CADM1: variants seen among roughly 807,000 people sequenced by gnomAD.
The protein encoded by CADM1 is cell adhesion molecule 1.
In CADM1, 15 loss-of-function variants were observed where a neutral mutation model predicts 53.1. The ratio of observed to expected loss-of-function variants is 0.28; its 90% CI spans 0.19 to 0.44. The LOEUF (loss-of-function observed/expected upper bound fraction) is 0.44. CADM1 is among the 20% of genes least tolerant of loss of function. The pLI, the probability that CADM1 is intolerant of heterozygous loss-of-function variation, is 1.00. For synonymous variants in CADM1, 281 were observed against 243.0 expected (o/e 1.16, Z -1.45); for missense variants, 434 against 611.3 (o/e 0.71, Z 3.06).
chr11:115,315,090 T>C (rs538256246), intron 1 of CADM1, among the ~76,000 whole-genome samples: 2 of 152,276 alleles, frequency 1.3e-5, no homozygotes, highest in Admixed American at 1.3e-4. Context: ...CTTTGAATCA[T>C]TTCAAAGTAC....
intron 1 of CADM1, among the ~76,000 whole-genome samples, chr11:115,390,777 C>A (rs1264785282): frequency 6.6e-6 from 1 of 151,764 alleles, no homozygotes; most frequent in Non-Finnish European, 1.5e-5. Context: ...CAGCTCAGTT[C>A]CTGTTTAAGA....
chr11:115,376,816 T>C (rs1314115401), intron 1 of CADM1, among the ~76,000 whole-genome samples: 1 of 152,186 alleles, frequency 6.6e-6, no homozygotes, highest in African/African-American at 2.4e-5. Context: ...TTCTGTCAAG[T>C]AATTCCACAG....
chr11:115,495,052 G>C (rs1949580233), intron 1 of CADM1, among the ~76,000 whole-genome samples: 1 of 152,116 alleles, frequency 6.6e-6, no homozygotes, highest in South Asian at 2.1e-4. Flanking sequence ...GTACGTACAA[G>C]GAAAAGTGAA....
rs185449584 is a variant in CADM1 at position 115,286,501 on chromosome 11, T to C, written c.125-46081A>G. Among the ~76,000 whole-genome samples, 31 of 152,348 alleles carry C rather than the reference T, an allele frequency of 2.0e-4. No individual in the cohort carries two copies. In the South Asian group the frequency reaches 3.1e-3, roughly 15 times the overall value. On this transcript the variant is annotated intron_variant, in intron 1 of 11. Coordinates refer to ENST00000331581, the MANE Select transcript of CADM1 (RefSeq NM_001301043.2). ...GAGTTTAAATGCAGTGACCTGACAG[T>C]GGACACAATAATGAAACAAAAATTC...
At chr11:115,499,215 T>C (rs138781279) in intron 1 of CADM1, among the ~76,000 whole-genome samples, 1 of 152,344 alleles carries the variant, frequency 6.6e-6, no homozygotes, top group Admixed American at 6.5e-5. Context: ...CTTTTTTCCT[T>C]AGTTATACAG....
intron 1 of CADM1, among the ~76,000 whole-genome samples, chr11:115,351,267 T>C (rs1021184708): frequency 2.0e-5 from 3 of 152,234 alleles, no homozygotes; most frequent in African/African-American, 7.2e-5. Flanking sequence ...CTCCTTCTTC[T>C]TCAATATCTT....
intron 1 of CADM1, among the ~76,000 whole-genome samples, chr11:115,353,639 G>A (rs536720233): frequency 1.3e-5 from 2 of 152,204 alleles, no homozygotes; most frequent in Admixed American, 6.5e-5. Context: ...GATAGAATAC[G>A]CAGAGAAGTT....
chr11:115,476,761 C>T (rs575826223), intron 1 of CADM1, among the ~76,000 whole-genome samples: 6 of 152,216 alleles, frequency 3.9e-5, no homozygotes, highest in East Asian at 3.9e-4. Context: ...AATCAACAAC[C>T]GTATATATCT....
At chr11:115,313,385 G>A (rs902175944) in intron 1 of CADM1, among the ~76,000 whole-genome samples, 53 of 152,248 alleles carry the variant, frequency 3.5e-4, no homozygotes, top group African/African-American at 1.3e-3. Flanking sequence ...GCAAACTACT[G>A]AGTCCTTGAC....
At chr11:115,446,494 G>A (rs890499542) in intron 1 of CADM1, among the ~76,000 whole-genome samples, 2 of 152,182 alleles carry the variant, frequency 1.3e-5, no homozygotes, top group African/African-American at 4.8e-5. Context: ...AATAGGCACT[G>A]AGTGTTTTTA....
chr11:115,198,353 C>T, intron 9 of CADM1, 53 bp downstream of exon 9: 3 of 1,412,344 alleles, frequency 2.1e-6, no homozygotes, highest in Non-Finnish European at 2.0e-6. Context: ...CCCAGGCTTG[C>T]CTTGCCTCTC....
intron 10 of CADM1, among the ~76,000 whole-genome samples, chr11:115,188,000 T>C (rs1001218691): frequency 1.3e-5 from 2 of 152,154 alleles, no homozygotes; most frequent in Non-Finnish European, 2.9e-5. Context: ...TTTTGGTGCC[T>C]TTGCTTCCAA....
chr11:115,373,335 A>G (rs1946355120), intron 1 of CADM1, among the ~76,000 whole-genome samples: 1 of 152,168 alleles, frequency 6.6e-6, no homozygotes, highest in Non-Finnish European at 1.5e-5. Flanking sequence ...CTGTAATCCC[A>G]GCACTTTGGG....
chr11:115,226,186 C>T (rs978194231), intron 5 of CADM1, among the ~76,000 whole-genome samples: 24 of 151,950 alleles, frequency 1.6e-4, no homozygotes, highest in African/African-American at 5.8e-4. Flanking sequence ...CTATATATAA[C>T]AAATGAAATG....
At chr11:115,446,725 C>T (rs1305024782) in intron 1 of CADM1, among the ~76,000 whole-genome samples, 1 of 152,126 alleles carries the variant, frequency 6.6e-6, no homozygotes, top group Non-Finnish European at 1.5e-5. Flanking sequence ...CCTAAAAGGG[C>T]CACTGCTCTT....
At position 115,428,005 on chromosome 11, in the gene CADM1, CAAAAAAAA is replaced by C. The variant is rs66872817; in HGVS notation, c.124+76258_124+76265del. ...TGGGCGACAGAGCAAGACTCCATCT[CAAAAAAAA>C]AAAAAAAAAAAAAAAAAAGAATGTA... On this transcript the variant is annotated intron_variant, in intron 1 of 11. Transcript: ENST00000331581. Among the ~76,000 whole-genome samples the C allele has an allele frequency of 1.8e-4, 10 of 54,054 alleles. No individual in the cohort carries two copies. The South Asian group carries it at 2.7e-3, about 14-fold the overall frequency. 35.5% of individuals were successfully genotyped at this position (54,054 alleles called of 152,430 possible). A position where few individuals can be genotyped will look rare whatever the true frequency, so the allele number is the denominator to read the frequency against.
intron 1 of CADM1, among the ~76,000 whole-genome samples, chr11:115,464,708 A>G (rs1948861750): frequency 6.6e-6 from 1 of 152,242 alleles, no homozygotes; most frequent in African/African-American, 2.4e-5. Flanking sequence ...GAATAAAAAG[A>G]GAAAAAGAAA....
intron 1 of CADM1, among the ~76,000 whole-genome samples, chr11:115,303,379 C>T (rs1390549397): frequency 6.6e-6 from 1 of 151,952 alleles, no homozygotes; most frequent in Non-Finnish European, 1.5e-5. Context: ...AATGTGTTGA[C>T]GCTCCCCGGT....
rs537201657 is a variant in CADM1 at position 115,241,225 on chromosome 11, C to A, written c.125-805G>T. ...CTAAGATTAGTGACGGCAGCCTGGG[C>A]CACCTCATAAATGTCCTAAATGATC... On this transcript the variant is annotated intron_variant, in intron 1 of 11. Coordinates refer to ENST00000331581, the MANE Select transcript of CADM1 (RefSeq NM_001301043.2). Among the ~76,000 whole-genome samples, 37 of 152,300 alleles carry A rather than the reference C, an allele frequency of 2.4e-4. No homozygotes were observed. The South Asian group carries it at 4.8e-3, about 20-fold the overall frequency.
Sources: allele counts gnomAD v4.1 joint callset (sites outside exome capture counted in the v4.1 genomes callset), GRCh38; gene constraint gnomAD v4.1.1; transcripts MANE v1.5; gene names NCBI Gene and HGNC (gene_info 2026-07-23, HGNC 2026-07-21).